CSMD1: variants seen among roughly 807,000 people sequenced by gnomAD.
CSMD1 encodes CUB and sushi domain-containing protein 1.
In CSMD1, 213 loss-of-function variants were observed where a neutral mutation model predicts 417.5. The observed-to-expected ratio is 0.51, with a 90% confidence interval of 0.46 to 0.57. CSMD1 has a LOEUF of 0.57. Among genes scored for constraint, CSMD1 ranks in the 20% least tolerant of loss-of-function variants. The probability of loss-of-function intolerance (pLI) is 0.00; values close to 1 mark genes in which losing one functional copy is unlikely to be tolerated. For synonymous variants in CSMD1, 2,862 were observed against 1,736.8 expected, an observed-to-expected ratio of 1.65 and a Z score of -16.11; for missense variants, 6,923 against 4,529.7, an observed-to-expected ratio of 1.53 and a Z score of -15.17.
At chr8:3,154,348 G>C (rs907354357) in intron 39 of CSMD1, among the ~76,000 whole-genome samples, 7 of 152,310 alleles carry the variant, frequency 4.6e-5, no homozygotes, top group Non-Finnish European at 8.8e-5. Flanking sequence ...TGGTCATCAA[G>C]TTGCAGACTG....
At chr8:3,432,654 T>A (rs905692373) in intron 12 of CSMD1, among the ~76,000 whole-genome samples, 4 of 152,012 alleles carry the variant, frequency 2.6e-5, no homozygotes, top group African/African-American at 9.7e-5. Flanking sequence ...TAGCTGGGAC[T>A]ACAGGCGTGT....
intron 2 of CSMD1, among the ~76,000 whole-genome samples, chr8:4,455,300 T>C (rs1799400024): frequency 6.6e-6 from 1 of 152,144 alleles, no homozygotes; most frequent in South Asian, 2.1e-4. Context: ...GATTCTTGCA[T>C]CCATTAGCAA....
intron 3 of CSMD1, among the ~76,000 whole-genome samples, chr8:4,361,527 C>G (rs372852399): frequency 3.9e-5 from 6 of 152,168 alleles, no homozygotes; most frequent in South Asian, 2.1e-4. Context: ...GATCAGGTAA[C>G]GACCACGGTC....
At chr8:4,456,255 T>A (rs941097459) in intron 2 of CSMD1, among the ~76,000 whole-genome samples, 4 of 152,032 alleles carry the variant, frequency 2.6e-5, no homozygotes, top group Non-Finnish European at 5.9e-5. Flanking sequence ...ACAAAGTATG[T>A]AACAGAAAAG....
At chr8:4,071,829 G>T (rs1002850151) in intron 3 of CSMD1, among the ~76,000 whole-genome samples, 1 of 152,116 alleles carries the variant, frequency 6.6e-6, no homozygotes, top group Non-Finnish European at 1.5e-5. Flanking sequence ...CCTGTTGTGG[G>T]GGGGTGGTGT....
intron 12 of CSMD1, among the ~76,000 whole-genome samples, chr8:3,454,784 T>G (rs572516048): frequency 5.3e-5 from 8 of 152,170 alleles, no homozygotes; most frequent in Admixed American, 2.6e-4. Flanking sequence ...CTGACAATTA[T>G]GTGTCTTTGA....
At chr8:4,174,031 C>T (rs1797906985) in intron 3 of CSMD1, among the ~76,000 whole-genome samples, 1 of 152,168 alleles carries the variant, frequency 6.6e-6, no homozygotes, top group South Asian at 2.1e-4. Context: ...CAAGGGAATG[C>T]CCTGAGTTCA....
intron 5 of CSMD1, among the ~76,000 whole-genome samples, chr8:3,814,609 C>T (rs1032317385): frequency 3.9e-5 from 6 of 152,140 alleles, no homozygotes; most frequent in African/African-American, 1.2e-4. Context: ...GCTGGACATC[C>T]CACAGCACAC....
At chr8:4,921,248 A>G (rs1031171361) in intron 1 of CSMD1, among the ~76,000 whole-genome samples, 3 of 152,206 alleles carry the variant, frequency 2.0e-5, no homozygotes, top group Non-Finnish European at 4.4e-5. Flanking sequence ...TCCACCAGCC[A>G]GAGGCAACAT....
At chr8:3,035,527 A>C (rs185907484) in intron 50 of CSMD1, among the ~76,000 whole-genome samples, 1 of 152,344 alleles carries the variant, frequency 6.6e-6, no homozygotes, top group South Asian at 2.1e-4. Context: ...GATTTATTCT[A>C]CAAATGACTA....
intron 3 of CSMD1, among the ~76,000 whole-genome samples, chr8:4,384,837 G>T (rs1055270290): frequency 6.6e-6 from 1 of 152,174 alleles, no homozygotes; most frequent in Non-Finnish European, 1.5e-5. Context: ...TTTGAGTAGA[G>T]AAAGAGGCTA....
chr8:3,718,760 C>A (rs916467965), intron 6 of CSMD1, among the ~76,000 whole-genome samples: 4 of 152,106 alleles, frequency 2.6e-5, no homozygotes, highest in Non-Finnish European at 4.4e-5. Context: ...ATTCATCTCA[C>A]GTTTCCTTAC....
Position 3,801,889 on chromosome 8 carries a change from G to C in CSMD1, c.819-47847C>G, listed in dbSNP as rs369231544. 5.3e-5 allele frequency among the ~76,000 whole-genome samples: 8 copies of C among 152,224 alleles called. No homozygotes were observed. The East Asian group carries it at 1.5e-3, about 29-fold the overall frequency. Reference sequence around the variant, plus strand: ...AATCACAAAACACCACATATTATGAGATCTCATATAATACCCAATGCCTAG... The same window carrying C: ...AATCACAAAACACCACATATTATGACATCTCATATAATACCCAATGCCTAG... On this transcript the variant is annotated intron_variant, in intron 5 of 69. Transcript: ENST00000635120.
At chr8:4,464,601 T>G (rs1308437411) in intron 2 of CSMD1, among the ~76,000 whole-genome samples, 2 of 152,192 alleles carry the variant, frequency 1.3e-5, no homozygotes. Flanking sequence ...AACGTGTTAT[T>G]ACTTTCACGC....
intron 10 of CSMD1, among the ~76,000 whole-genome samples, chr8:3,495,929 G>C (rs925201229): frequency 1.3e-5 from 2 of 152,022 alleles, no homozygotes; most frequent in Admixed American, 6.6e-5. Context: ...AAGTTCCGGG[G>C]TACATGGGCA....
At chr8:3,585,899 G>A (rs960155245) in intron 9 of CSMD1, among the ~76,000 whole-genome samples, 4 of 151,948 alleles carry the variant, frequency 2.6e-5, no homozygotes, top group Admixed American at 2.6e-4. Context: ...CAGTATGTGT[G>A]GATTTGCTCA....
intron 5 of CSMD1, among the ~76,000 whole-genome samples, chr8:3,784,014 T>C (rs1799317366): frequency 6.6e-6 from 1 of 152,220 alleles, no homozygotes; most frequent in South Asian, 2.1e-4. Flanking sequence ...TTGCAAAATG[T>C]TTATCATCGT....
chr8:3,994,444 T>C (rs1456803304), intron 5 of CSMD1, among the ~76,000 whole-genome samples: 12 of 83,002 alleles, frequency 1.4e-4, no homozygotes, highest in African/African-American at 5.0e-4. Flanking sequence ...TCAAATCTCT[T>C]CAGAAAAAAA....
intron 5 of CSMD1, among the ~76,000 whole-genome samples, chr8:3,788,518 C>A (rs561602393): frequency 6.6e-6 from 1 of 152,284 alleles, no homozygotes; most frequent in South Asian, 2.1e-4. Context: ...TAGTTTCCTT[C>A]ATCTCACCTC....
Sources: gnomAD v4.1 joint callset for allele counts (sites outside exome capture counted in the v4.1 genomes callset) on GRCh38, gnomAD v4.1.1 for gene constraint, MANE v1.5 for transcripts, NCBI Gene and HGNC (gene_info 2026-07-23, HGNC 2026-07-21) for gene names.